COA1: variants seen among roughly 807,000 people sequenced by gnomAD.
COA1 encodes the protein cytochrome c oxidase assembly factor 1 homolog.
Under a neutral mutation model 16.0 loss-of-function variants are expected in COA1, and 13 were observed. The ratio of observed to expected loss-of-function variants is 0.81; its 90% CI spans 0.53 to 1.29. COA1 has a LOEUF of 1.29. COA1 is among the 50% of genes most tolerant of loss of function. The pLI is 0.00. For synonymous variants in COA1, 65 were observed against 65.7 expected (o/e 0.99, Z 0.05); for missense variants, 179 against 177.0 (o/e 1.01, Z -0.06).
intron 1 of COA1, among the ~76,000 whole-genome samples, chr7:43,709,456 G>GTGTGTA (rs2095135669): frequency 6.6e-6 from 1 of 151,908 alleles, no homozygotes. Flanking sequence ...GTGTGTGTGT[G>GTGTGTA]TGTGTGTGTG....
In COA1 at chr7:43,639,287, T is replaced by C. The variant is rs1023725752; in HGVS notation, c.*295A>G. On this transcript the variant is annotated 3_prime_UTR_variant, in exon 6 of 6. Transcript: ENST00000223336. ...TCAACAAACATTTTATTAATTCTGA[T>C]TCCTTTTATCATGTGCTTTTTTATA... 4.8e-6 allele frequency: 1 copy of C among 206,936 alleles called. No individual in the cohort carries two copies. The highest frequency in any genetic ancestry group is 2.3e-5 in the African/African-American group (1 of 43,248). The allele number at this position is 206,936 out of a possible 1,614,324, so 12.8% of individuals were successfully genotyped here. A position where few individuals can be genotyped will look rare whatever the true frequency, so the allele number is the denominator to read the frequency against.
At chr7:43,633,364 A>G (rs1002544311) in intron 6 of COA1, 1 of 152,222 alleles carries the variant, frequency 6.6e-6, no homozygotes, top group African/African-American at 2.4e-5. Context: ...GGGGTTATTA[A>G]TTGGCCCAAT....
At chr7:43,616,958 T>C (rs1286758649) in intron 6 of COA1, among the ~76,000 whole-genome samples, 4 of 152,228 alleles carry the variant, frequency 2.6e-5, no homozygotes, top group Non-Finnish European at 5.9e-5. Context: ...CTCTCATCTA[T>C]GGAAATTGTT....
chr7:43,696,497 C>T (rs2094531020), intron 1 of COA1, among the ~76,000 whole-genome samples: 1 of 152,080 alleles, frequency 6.6e-6, no homozygotes, highest in African/African-American at 2.4e-5. Context: ...AATGTATAAA[C>T]TATAATAGAA....
rs575101218 is a variant in COA1 at position 43,640,482 on chromosome 7, T to C, written c.341+91A>G. 5 of 936,230 alleles carry C rather than the reference T, an allele frequency of 5.3e-6. No homozygotes were observed. In the African/African-American group the frequency reaches 8.4e-5, roughly 16 times the overall value. 58.0% of individuals were successfully genotyped at this position (936,230 alleles called of 1,614,324 possible). A position where few individuals can be genotyped will look rare whatever the true frequency, so the allele number is the denominator to read the frequency against. ...AAAATAATTCTTCCTATGCCCACAGTAATTTAACAACAAATGAAAACGGAG... is the reference window on the plus strand; with the variant it reads ...AAAATAATTCTTCCTATGCCCACAGCAATTTAACAACAAATGAAAACGGAG... On this transcript the variant is annotated intron_variant, in intron 5 of 5. Coordinates refer to ENST00000223336, the MANE Select transcript of COA1 (RefSeq NM_018224.4).
chr7:43,676,603 A>G (rs2093529973), intron 1 of COA1, among the ~76,000 whole-genome samples: 1 of 152,198 alleles, frequency 6.6e-6, no homozygotes, highest in South Asian at 2.1e-4. Context: ...TCTAAAGCAC[A>G]GTAGGATGAT....
At chr7:43,718,213 T>C (rs2095434054) in intron 1 of COA1, among the ~76,000 whole-genome samples, 1 of 152,222 alleles carries the variant, frequency 6.6e-6, no homozygotes, top group Non-Finnish European at 1.5e-5. Flanking sequence ...TATTTATTTG[T>C]AAGAATAACT....
intron 6 of COA1, among the ~76,000 whole-genome samples, chr7:43,621,995 A>AT (rs2083944113): frequency 6.6e-6 from 1 of 152,100 alleles, no homozygotes; most frequent in Non-Finnish European, 1.5e-5. Context: ...TATACCTCAG[A>AT]TTCCTCTGTC....
At chr7:43,617,756 A>G (rs1467498814) in intron 6 of COA1, among the ~76,000 whole-genome samples, 1 of 152,200 alleles carries the variant, frequency 6.6e-6, no homozygotes, top group African/African-American at 2.4e-5. Flanking sequence ...TTGGGTGCAG[A>G]TCATGCAAGC....
chr7:43,640,945 A>G (rs902848387), intron 4 of COA1: 15 of 299,210 alleles, frequency 5.0e-5, no homozygotes, highest in African/African-American at 3.1e-4. Flanking sequence ...AAAAAGGAGC[A>G]AACTCCTGAT....
chr7:43,709,181 A>T (rs2095117688), intron 1 of COA1, among the ~76,000 whole-genome samples: 1 of 151,194 alleles, frequency 6.6e-6, no homozygotes. Flanking sequence ...CTGCCACCAC[A>T]CCTGGCTAAT....
intron 1 of COA1, chr7:43,657,357 C>T (rs990030423): frequency 6.6e-6 from 1 of 152,214 alleles, no homozygotes; most frequent in East Asian, 1.9e-4. Flanking sequence ...TCTTCTCATA[C>T]TACTGCAAGT....
chr7:43,688,691 G>T (rs1429782173), intron 1 of COA1, among the ~76,000 whole-genome samples: 1 of 152,134 alleles, frequency 6.6e-6, no homozygotes, highest in Non-Finnish European at 1.5e-5. Context: ...AACGTCAGGG[G>T]CTCTTTCCAT....
intron 1 of COA1, among the ~76,000 whole-genome samples, chr7:43,713,564 A>T (rs753508075): frequency 1.3e-5 from 2 of 151,938 alleles, no homozygotes; most frequent in Non-Finnish European, 2.9e-5. Context: ...TCTTCATCTC[A>T]TCTCTCTGAA....
intron 6 of COA1, chr7:43,619,740 G>A: frequency 6.2e-7 from 1 of 1,612,330 alleles, no homozygotes; most frequent in South Asian, 1.1e-5. Flanking sequence ...ATTCATAAAA[G>A]TAGTTTTGTT....
intron 1 of COA1, among the ~76,000 whole-genome samples, chr7:43,721,376 A>C (rs1405206092): frequency 6.6e-6 from 1 of 152,216 alleles, no homozygotes; most frequent in Non-Finnish European, 1.5e-5. Context: ...CTTTATTAGT[A>C]AATCCTATTA....
chr7:43,617,020 AAAG>A (rs1223510393), intron 6 of COA1, among the ~76,000 whole-genome samples: 5 of 152,246 alleles, frequency 3.3e-5, no homozygotes, highest in East Asian at 1.9e-4. Flanking sequence ...GAGACTAGGC[AAAG>A]AAGAACAGAA....
chr7:43,619,866 AT>A, intron 6 of COA1: 1 of 1,159,838 alleles, frequency 8.6e-7, no homozygotes, highest in Non-Finnish European at 1.2e-6. Context: ...TTTGGATTAC[AT>A]TTTACAATGG....
At chr7:43,667,137 G>A (rs1490872733) in intron 1 of COA1, among the ~76,000 whole-genome samples, 1 of 152,114 alleles carries the variant, frequency 6.6e-6, no homozygotes, top group Non-Finnish European at 1.5e-5. Flanking sequence ...CATGGTAAAG[G>A]CTAATGAAAG....
Sources: allele counts gnomAD v4.1 joint callset (sites outside exome capture counted in the v4.1 genomes callset), GRCh38; gene constraint gnomAD v4.1.1; transcripts MANE v1.5; gene names NCBI Gene and HGNC (gene_info 2026-07-23, HGNC 2026-07-21).